SLC2A13: variants seen among roughly 807,000 people sequenced by gnomAD.
The protein encoded by SLC2A13 is proton myo-inositol cotransporter.
SLC2A13 carries 32 observed loss-of-function variants against 64.4 expected under a neutral mutation model. The ratio of observed to expected loss-of-function variants is 0.50; its 90% confidence interval spans 0.37 to 0.67. The LOEUF (loss-of-function observed/expected upper bound fraction) is 0.67. SLC2A13 is among the 30% of genes least tolerant of loss of function. The pLI is 0.00. For synonymous variants in SLC2A13, 338 were observed against 327.1 expected (o/e 1.03, Z -0.36); for missense variants, 743 against 829.2 (o/e 0.90, Z 1.28).
intron 3 of SLC2A13, among the ~76,000 whole-genome samples, chr12:39,995,605 C>T (rs1947213688): frequency 6.6e-6 from 1 of 152,172 alleles, no homozygotes; most frequent in Non-Finnish European, 1.5e-5. Context: ...CATACAAATG[C>T]ACTATCTCAA....
At chr12:40,046,611 CCT>C (rs1287569015) in intron 2 of SLC2A13, among the ~76,000 whole-genome samples, 8 of 151,894 alleles carry the variant, frequency 5.3e-5, no homozygotes, top group Admixed American at 2.0e-4. Context: ...TATCGTCTTT[CCT>C]CTTTCTCTTC....
Position 39,764,630 on chromosome 12 carries a change from A to ACT in SLC2A13, c.1568-19_1568-18insAG. 6.3e-7 allele frequency: 1 copy of ACT among 1,581,154 alleles called. No homozygotes were observed. On this transcript the variant is annotated intron_variant, in intron 8 of 9. Transcript: ENST00000280871. ...TCCCATTCCTGAGAAATAAAACATTAAAAACTTTAGTAAAATAGCATGTAA... is the reference window on the plus strand; with the variant it reads ...TCCCATTCCTGAGAAATAAAACATTACTAAAACTTTAGTAAAATAGCATGTAA...
At chr12:39,990,338 T>C (rs1317981161) in intron 3 of SLC2A13, among the ~76,000 whole-genome samples, 1 of 152,194 alleles carries the variant, frequency 6.6e-6, no homozygotes, top group Non-Finnish European at 1.5e-5. Flanking sequence ...TGCTCAATGA[T>C]TGAATGAATA....
intron 1 of SLC2A13, among the ~76,000 whole-genome samples, chr12:40,090,135 T>A (rs1938714753): frequency 6.6e-6 from 1 of 152,240 alleles, no homozygotes; most frequent in African/African-American, 2.4e-5. Context: ...AGAATTTTCC[T>A]AATCTACTCA....
At chr12:39,899,224 C>G (rs996572222) in intron 4 of SLC2A13, among the ~76,000 whole-genome samples, 1 of 152,002 alleles carries the variant, frequency 6.6e-6, no homozygotes, top group African/African-American at 2.4e-5. Flanking sequence ...GTGTATGTGT[C>G]GAGGAATTTA....
At position 39,924,140 on chromosome 12, in the gene SLC2A13, T is replaced by C. The variant is rs1945673086; in HGVS notation, c.1034+27117A>G. ...GTTAATAATGTACACTCTTAAAATA[T>C]GAATGATGTTTTTATAAAATATCCT... On this transcript the variant is annotated intron_variant, in intron 4 of 9. Coordinates refer to ENST00000280871, the MANE Select transcript of SLC2A13 (RefSeq NM_052885.4). Among the ~76,000 whole-genome samples the C allele has an allele frequency of 2.0e-5, 3 of 152,174 alleles. No homozygotes were observed. The South Asian group carries it at 6.2e-4, about 32-fold the overall frequency.
intron 4 of SLC2A13, among the ~76,000 whole-genome samples, chr12:39,895,997 T>C (rs949082264): frequency 1.3e-5 from 2 of 148,382 alleles, no homozygotes; most frequent in African/African-American, 2.5e-5. Context: ...TTCATATATG[T>C]GTATATATAC....
At position 39,763,405 on chromosome 12, in the gene SLC2A13, A is replaced by G. The variant is rs566575393; in HGVS notation, c.1720+1055T>C. Among the ~76,000 whole-genome samples, 143 of 152,220 alleles carry G rather than the reference A, an allele frequency of 9.4e-4. 2 individuals are homozygous for G. The highest frequency in any genetic ancestry group is 3.2e-3 in the African/African-American group (132 of 41,556). The stretch of plus-strand genomic sequence containing the variant: ...TTTATAATGTTTCATCATATTCACC[A>G]TTCATCTGCAAAATTTATCCATGTA... On this transcript the variant is annotated intron_variant, in intron 9 of 9. Coordinates refer to ENST00000280871, the MANE Select transcript of SLC2A13 (RefSeq NM_052885.4).
At chr12:39,847,293 T>TC (rs5797640) in intron 6 of SLC2A13, among the ~76,000 whole-genome samples, 97,343 of 151,808 alleles carry the variant, frequency 0.64, 31,366 homozygotes, top group East Asian at 0.77. Flanking sequence ...CTACATTCAT[T>TC]CTTCCCTCCT....
chr12:39,981,757 A>G (rs1390608686), intron 3 of SLC2A13, among the ~76,000 whole-genome samples: 1 of 145,732 alleles, frequency 6.9e-6, no homozygotes, highest in Non-Finnish European at 1.5e-5. Context: ...ACAAGGAGGA[A>G]CTGGTACCAT....
At chr12:39,917,041 G>T (rs1208663384) in intron 4 of SLC2A13, among the ~76,000 whole-genome samples, 1 of 151,998 alleles carries the variant, frequency 6.6e-6, no homozygotes, top group Non-Finnish European at 1.5e-5. Context: ...TTGAACACCT[G>T]CTATATATCA....
intron 4 of SLC2A13, among the ~76,000 whole-genome samples, chr12:39,928,358 T>C (rs1945763092): frequency 6.6e-6 from 1 of 152,138 alleles, no homozygotes; most frequent in South Asian, 2.1e-4. Flanking sequence ...ACTTACTCAA[T>C]TTGAGAGCCT....
At chr12:39,772,993 A>G (rs1940639166) in intron 7 of SLC2A13, among the ~76,000 whole-genome samples, 1 of 152,246 alleles carries the variant, frequency 6.6e-6, no homozygotes, top group African/African-American at 2.4e-5. Flanking sequence ...CCTTCAAAAT[A>G]TAAACACTAG....
intron 1 of SLC2A13, among the ~76,000 whole-genome samples, chr12:40,052,521 T>C (rs1244500387): frequency 2.0e-5 from 3 of 151,292 alleles, no homozygotes; most frequent in Admixed American, 1.3e-4. Context: ...CTGGGGAAAA[T>C]GGGAGCCTGT....
In SLC2A13 at chr12:39,757,960, T is replaced by C. The variant is rs750034098; in HGVS notation, c.*2066A>G. 7.2e-5 allele frequency: 11 copies of C among 152,196 alleles called. No individual in the cohort carries two copies. Among genetic ancestry groups the C allele is most frequent in the African/African-American group, 2.2e-4 (9 of 41,406 alleles). The allele number at this position is 152,196 out of a possible 1,614,324, so 9.4% of individuals were successfully genotyped here. A position where few individuals can be genotyped will look rare whatever the true frequency, so the allele number is the denominator to read the frequency against. ...TTTATTGGTCTACTTTTTCTCCTTATTATATTTTGATTGTACCATATAGTA... is the reference window on the plus strand; with the variant it reads ...TTTATTGGTCTACTTTTTCTCCTTACTATATTTTGATTGTACCATATAGTA... On this transcript the variant is annotated 3_prime_UTR_variant, in exon 10 of 10. Coordinates refer to ENST00000280871, the MANE Select transcript of SLC2A13 (RefSeq NM_052885.4).
At chr12:39,861,046 T>C (rs7968509) in intron 6 of SLC2A13, among the ~76,000 whole-genome samples, 109,464 of 152,134 alleles carry the variant, frequency 0.72, 40,086 homozygotes, top group African/African-American at 0.85. Flanking sequence ...TCTGACCCCA[T>C]AGTCATCTTC....
chr12:40,064,506 C>G (rs1592052048), intron 1 of SLC2A13, among the ~76,000 whole-genome samples: 1 of 148,452 alleles, frequency 6.7e-6, no homozygotes, highest in East Asian at 1.9e-4. Flanking sequence ...AATAGACTAA[C>G]AGACTCCCAC....
intron 4 of SLC2A13, among the ~76,000 whole-genome samples, chr12:39,895,625 C>T (rs142763468): frequency 0.22 from 1,144 of 5,146 alleles, 168 homozygotes; most frequent in Non-Finnish European, 0.5. Context: ...TATATACGTA[C>T]ACACATATGT....
chr12:40,067,703 G>A (rs1937788978), intron 1 of SLC2A13, among the ~76,000 whole-genome samples: 1 of 152,036 alleles, frequency 6.6e-6, no homozygotes, highest in Non-Finnish European at 1.5e-5. Flanking sequence ...CTGGACTGCA[G>A]AAATTACTAA....
Sources: gnomAD v4.1 joint callset for allele counts (sites outside exome capture counted in the v4.1 genomes callset) on GRCh38, gnomAD v4.1.1 for gene constraint, MANE v1.5 for transcripts, NCBI Gene and HGNC (gene_info 2026-07-23, HGNC 2026-07-21) for gene names.